NEGR1: variants seen among roughly 807,000 people sequenced by gnomAD.
NEGR1 encodes the protein IgLON family member 4.
In NEGR1, 10 loss-of-function variants were observed where a neutral mutation model predicts 40.9. The observed-to-expected ratio is 0.24, with a 90% CI of 0.15 to 0.42. The LOEUF (loss-of-function observed/expected upper bound fraction) is 0.42, where lower values mean the gene tolerates loss of function less well. Among genes scored for constraint, NEGR1 ranks in the 10% least tolerant of loss-of-function variants. NEGR1 has a pLI of 1.00. For missense variants in NEGR1, 352 were observed against 438.9 expected (o/e 0.80, Z 1.77); for synonymous variants, 185 against 166.8 (o/e 1.11, Z -0.84).
chr1:71,662,177 T>G (rs1010626669), intron 4 of NEGR1, among the ~76,000 whole-genome samples: 5 of 152,202 alleles, frequency 3.3e-5, no homozygotes, highest in African/African-American at 1.2e-4. Context: ...GAACAAATTA[T>G]TTGATCACTC....
chr1:71,669,057 C>T (rs1324031372), intron 4 of NEGR1, among the ~76,000 whole-genome samples: 1 of 152,122 alleles, frequency 6.6e-6, no homozygotes, highest in Non-Finnish European at 1.5e-5. Context: ...TTATATATTG[C>T]AATGTTGTGT....
At chr1:72,227,030 G>T (rs1654213540) in intron 1 of NEGR1, among the ~76,000 whole-genome samples, 2 of 151,980 alleles carry the variant, frequency 1.3e-5, no homozygotes, top group Non-Finnish European at 2.9e-5. Context: ...TTTAAATAAT[G>T]AATTTAAGAA....
At chr1:71,515,159 T>C (rs1213697288) in intron 6 of NEGR1, among the ~76,000 whole-genome samples, 1 of 37,680 alleles carries the variant, frequency 2.7e-5, no homozygotes, top group Non-Finnish European at 4.8e-5. Flanking sequence ...TGCAGGATAT[T>C]ATCCAGGAGA....
intron 2 of NEGR1, among the ~76,000 whole-genome samples, chr1:71,817,947 T>C (rs1658287653): frequency 6.6e-6 from 1 of 151,934 alleles, no homozygotes; most frequent in Non-Finnish European, 1.5e-5. Context: ...ATACTCAACA[T>C]CGCTAATCAT....
At chr1:71,534,337 C>G (rs563734720) in intron 6 of NEGR1, among the ~76,000 whole-genome samples, 103 of 151,598 alleles carry the variant, frequency 6.8e-4, no homozygotes, top group South Asian at 3.1e-3. Flanking sequence ...AATAAGCTGT[C>G]CAAAAGACAT....
At chr1:72,038,569 T>C (rs2100452045) in intron 1 of NEGR1, among the ~76,000 whole-genome samples, 1 of 152,154 alleles carries the variant, frequency 6.6e-6, no homozygotes, top group Non-Finnish European at 1.5e-5. Flanking sequence ...GCAAATGATT[T>C]CTGTTCTAAA....
intron 1 of NEGR1, among the ~76,000 whole-genome samples, chr1:72,224,780 T>C (rs2100488988): frequency 6.6e-6 from 1 of 152,170 alleles, no homozygotes; most frequent in Non-Finnish European, 1.5e-5. Context: ...ATTCAAAATA[T>C]ACTTGAATTT....
chr1:71,926,139 AC>A (rs947212809), intron 2 of NEGR1, among the ~76,000 whole-genome samples: 19 of 152,184 alleles, frequency 1.2e-4, no homozygotes, highest in African/African-American at 4.6e-4. Context: ...CATTAAAGGG[AC>A]TTTTAAAAGC....
chr1:72,178,612 A>G (rs1311157499), intron 1 of NEGR1, among the ~76,000 whole-genome samples: 1 of 151,648 alleles, frequency 6.6e-6, no homozygotes, highest in Non-Finnish European at 1.5e-5. Flanking sequence ...AATTATTTCA[A>G]TTAAACATGA....
chr1:72,210,335 A>G (rs1055186642), intron 1 of NEGR1, among the ~76,000 whole-genome samples: 2 of 151,814 alleles, frequency 1.3e-5, no homozygotes, highest in Non-Finnish European at 2.9e-5. Flanking sequence ...GAGTACACAT[A>G]TTTTTAATAT....
rs201624546 is a variant in NEGR1, at chr1:71,515,096, G to C, written c.940+77721C>G. Among the ~76,000 whole-genome samples the C allele has an allele frequency of 8.4e-3, 559 of 66,312 alleles. 8 individuals are homozygous for C. Among genetic ancestry groups the C allele is most frequent in the African/African-American group, 0.03 (445 of 14,644 alleles). 43.5% of individuals were successfully genotyped at this position (66,312 alleles called of 152,430 possible). ...ATGTGAAAAGACCAAATCTATGTCT[G>C]ACTGGTGTACCTGAAAGTGATGTGG... On this transcript the variant is annotated intron_variant, in intron 6 of 6. Coordinates refer to ENST00000357731, the MANE Select transcript of NEGR1 (RefSeq NM_173808.3).
At chr1:72,012,792 A>C (rs1294761087) in intron 1 of NEGR1, among the ~76,000 whole-genome samples, 1 of 147,316 alleles carries the variant, frequency 6.8e-6, no homozygotes, top group Non-Finnish European at 1.5e-5. Flanking sequence ...TAACATTAGT[A>C]ATGTGTGTGT....
At chr1:71,492,933 T>C (rs1039664033) in intron 6 of NEGR1, among the ~76,000 whole-genome samples, 1 of 152,130 alleles carries the variant, frequency 6.6e-6, no homozygotes, top group African/African-American at 2.4e-5. Flanking sequence ...GAATTCACCA[T>C]CTTTCCTCCC....
chr1:71,928,956 C>T (rs925594562), intron 2 of NEGR1, among the ~76,000 whole-genome samples: 1 of 151,998 alleles, frequency 6.6e-6, no homozygotes, highest in African/African-American at 2.4e-5. Context: ...TATGGTAGAA[C>T]AGGTCGAAAT....
At chr1:71,913,639 T>C (rs1414957961) in intron 2 of NEGR1, among the ~76,000 whole-genome samples, 2 of 152,210 alleles carry the variant, frequency 1.3e-5, no homozygotes, top group East Asian at 3.9e-4. Flanking sequence ...ATAAATTGAT[T>C]AGAATTTTCT....
chr1:71,791,903 G>C (rs1050257989), intron 2 of NEGR1, among the ~76,000 whole-genome samples: 1 of 152,064 alleles, frequency 6.6e-6, no homozygotes, highest in Non-Finnish European at 1.5e-5. Flanking sequence ...GGACTTGGGA[G>C]GATGAACAGA....
chr1:72,060,666 A>G (rs959880525), intron 1 of NEGR1, among the ~76,000 whole-genome samples: 1 of 151,656 alleles, frequency 6.6e-6, no homozygotes, highest in South Asian at 2.1e-4. Flanking sequence ...AAATTCTGTG[A>G]CATTCAATTT....
chr1:71,882,111 TA>T (rs75455478), intron 2 of NEGR1, among the ~76,000 whole-genome samples: 28,769 of 152,050 alleles, frequency 0.19, 3,616 homozygotes, highest in East Asian at 0.49. Context: ...CTCACATTTC[TA>T]GGCTCCTGAA....
chr1:71,455,430 T>A (rs1037818494), intron 6 of NEGR1, among the ~76,000 whole-genome samples: 1 of 152,148 alleles, frequency 6.6e-6, no homozygotes, highest in Non-Finnish European at 1.5e-5. Context: ...GCACTTGAAT[T>A]AAGATCTTTT....
Sources: allele counts gnomAD v4.1 joint callset (sites outside exome capture counted in the v4.1 genomes callset), GRCh38; gene constraint gnomAD v4.1.1; transcripts MANE v1.5; gene names NCBI Gene and HGNC (gene_info 2026-07-23, HGNC 2026-07-21).